The following PIEZO2 variants were observed in gnomAD, a reference collection of about 807,000 sequenced individuals.
PIEZO2 encodes the protein piezo type mechanosensitive ion channel component 2.
PIEZO2 carries 172 observed loss-of-function variants against 337.3 expected under a neutral mutation model. The observed-to-expected ratio is 0.51, with a 90% CI of 0.45 to 0.58. The LOEUF (loss-of-function observed/expected upper bound fraction) is 0.58. PIEZO2 is among the 20% of genes least tolerant of loss of function. The probability of loss-of-function intolerance (pLI) is 0.00; values close to 1 mark genes in which losing one functional copy is unlikely to be tolerated. For missense variants in PIEZO2, 3,028 were observed against 3,391.3 expected, an observed-to-expected ratio of 0.89 and a Z score of 2.66; for synonymous variants, 1,251 against 1,228.5, an observed-to-expected ratio of 1.02 and a Z score of -0.38.
intron 1 of PIEZO2, among the ~76,000 whole-genome samples, chr18:11,121,444 T>G (rs2040027016): frequency 6.6e-6 from 1 of 152,048 alleles, no homozygotes; most frequent in Non-Finnish European, 1.5e-5. Context: ...TGCCCAACTG[T>G]AGTCTTAGCT....
At chr18:11,034,550 C>T (rs987164583) in intron 2 of PIEZO2, among the ~76,000 whole-genome samples, 24 of 152,292 alleles carry the variant, frequency 1.6e-4, no homozygotes, top group South Asian at 8.3e-4. Context: ...GCCTCGGCCT[C>T]CCAAAGTGCT....
chr18:10,836,749 A>G (rs1176924872), intron 7 of PIEZO2, among the ~76,000 whole-genome samples: 1 of 152,222 alleles, frequency 6.6e-6, no homozygotes, highest in Non-Finnish European at 1.5e-5. Context: ...GGCAAACAAG[A>G]GGATACAAGT....
intron 4 of PIEZO2, among the ~76,000 whole-genome samples, chr18:10,875,928 G>C (rs1337736311): frequency 6.6e-6 from 1 of 152,210 alleles, no homozygotes; most frequent in Non-Finnish European, 1.5e-5. Flanking sequence ...CCAGAATTGG[G>C]CTGCGACCCC....
At chr18:11,122,582 C>G (rs778160880) in intron 1 of PIEZO2, among the ~76,000 whole-genome samples, 1 of 151,926 alleles carries the variant, frequency 6.6e-6, no homozygotes, top group Non-Finnish European at 1.5e-5. Flanking sequence ...AGAAAAAAAC[C>G]GAAGTTCTGA....
chr18:11,142,899 A>G lies in PIEZO2; in HGVS notation c.64+5626T>C, dbSNP rs369350381. Among the ~76,000 whole-genome samples, 12 of 152,224 alleles carry G rather than the reference A, an allele frequency of 7.9e-5. 1 individual carries two copies. Among genetic ancestry groups the G allele is most frequent in the African/African-American group, 2.9e-4 (12 of 41,546 alleles). ...CGAGACCATCCTGGCTAACATGGTGAAACCCCGTCGCTACTAAAAATACAA... is the reference window on the plus strand; with the variant it reads ...CGAGACCATCCTGGCTAACATGGTGGAACCCCGTCGCTACTAAAAATACAA... On this transcript the variant is annotated intron_variant, in intron 1 of 55. Transcript: ENST00000674853.
intron 30 of PIEZO2, 106 bp from the exon 31 acceptor site, chr18:10,744,337 G>A (rs1365490977): frequency 2.4e-5 from 17 of 715,726 alleles, no homozygotes; most frequent in Middle Eastern, 2.9e-4. Context: ...TCTCTTAATG[G>A]CAGCTGCTTG....
chr18:10,858,858 T>C (rs2041798760), intron 5 of PIEZO2, among the ~76,000 whole-genome samples: 1 of 152,142 alleles, frequency 6.6e-6, no homozygotes, highest in African/African-American at 2.4e-5. Flanking sequence ...CCACTTCAAC[T>C]TGACTTCTAC....
At chr18:10,938,130 G>A (rs920043230) in intron 3 of PIEZO2, among the ~76,000 whole-genome samples, 1 of 152,130 alleles carries the variant, frequency 6.6e-6, no homozygotes, top group African/African-American at 2.4e-5. Context: ...GGGAAGTAAG[G>A]CATTGTGGCA....
chr18:10,826,126 C>T (rs1300622110), intron 7 of PIEZO2, among the ~76,000 whole-genome samples: 1 of 152,216 alleles, frequency 6.6e-6, no homozygotes, highest in Non-Finnish European at 1.5e-5. Flanking sequence ...TCAGCCATTT[C>T]TCCAAGGAGC....
At chr18:10,774,462 G>A (rs199739877) in intron 18 of PIEZO2, among the ~76,000 whole-genome samples, 1 of 151,980 alleles carries the variant, frequency 6.6e-6, no homozygotes, top group Non-Finnish European at 1.5e-5. Context: ...ATGTGCCATG[G>A]AAGCTAAGTG....
Position 10,954,486 on chromosome 18 carries a change from G to A in PIEZO2, c.286+25049C>T, listed in dbSNP as rs141667585. 2.6e-5 allele frequency among the ~76,000 whole-genome samples: 4 copies of A among 152,146 alleles called. No individual in the cohort carries two copies. The East Asian group carries it at 5.8e-4, about 22-fold the overall frequency. On this transcript the variant is annotated intron_variant, in intron 3 of 55. Transcript: ENST00000674853. This position sits in a 1 kb window ranked among gnomAD's most constrained non-coding sequence, Gnocchi z 4.2. ...AATATGTAGAAATACAATTTATTTT[G>A]GTATGTTGATCTTGCATCCTGTGAT...
chr18:10,745,370 C>T (rs1031996955), intron 30 of PIEZO2, among the ~76,000 whole-genome samples: 2 of 152,142 alleles, frequency 1.3e-5, no homozygotes, highest in Admixed American at 6.5e-5. Context: ...AAAAAGAAAA[C>T]CGACACACGA....
chr18:11,016,588 G>A lies in PIEZO2; in HGVS notation c.161-36928C>T, dbSNP rs1056761440. ...TAACGAGTTACTCATTTAAACAAGT[G>A]ATAACTCAAGGTAAAAAGAAAACAA... On this transcript the variant is annotated intron_variant, in intron 2 of 55. Coordinates refer to ENST00000674853, the MANE Select transcript of PIEZO2 (RefSeq NM_001378183.1). This position sits in a 1 kb window ranked among gnomAD's most constrained non-coding sequence, Gnocchi z 5.6. Among the ~76,000 whole-genome samples the A allele has an allele frequency of 1.3e-5, 2 of 152,112 alleles. No homozygotes were observed. The highest frequency in any genetic ancestry group is 4.8e-5 in the African/African-American group (2 of 41,432).
intron 30 of PIEZO2, among the ~76,000 whole-genome samples, chr18:10,745,696 C>G (rs2037395542): frequency 1.3e-5 from 2 of 152,246 alleles, no homozygotes; most frequent in Non-Finnish European, 2.9e-5. Flanking sequence ...TCTCTCAAAC[C>G]TGAATGTTCT....
In PIEZO2 at chr18:10,714,854, A is replaced by C; in HGVS notation, c.5333T>G (p.Leu1778Arg). The change falls in exon 39 of 56, where the codon CTG becomes CGG. Residue 1778 changes from leucine (L) to arginine (R), a missense_variant. Leu to Arg is a moderately radical substitution (Grantham distance 102). Transcript: ENST00000674853. ...HIMNLSRESGLDTIDEHPGAA... is the reference protein window; with the variant it reads ...HIMNLSRESGRDTIDEHPGAA... ...TCCGGGATGCTCGTCAATGGTGTCC[A>C]GTCCCGACTCTCTGGAAAGGTTCAT... 6.5e-7 allele frequency: 1 copy of C among 1,537,266 alleles called. No homozygotes were observed. The highest frequency in any genetic ancestry group is 2.0e-5 in the Admixed American group (1 of 51,000).
At chr18:10,679,466 A>AT (rs1275812104) in intron 52 of PIEZO2, among the ~76,000 whole-genome samples, 1 of 152,286 alleles carries the variant, frequency 6.6e-6, no homozygotes, top group African/African-American at 2.4e-5. Flanking sequence ...CAGGATATTG[A>AT]TTTTTTTGGA....
chr18:10,832,000 A>T (rs1598550641), intron 7 of PIEZO2, among the ~76,000 whole-genome samples: 1 of 152,112 alleles, frequency 6.6e-6, no homozygotes, highest in East Asian at 1.9e-4. Context: ...AATAGATACA[A>T]TTAAACAGAG....
At position 10,702,017 on chromosome 18, in the gene PIEZO2, G is replaced by A; in HGVS notation, c.6413C>T (p.Ala2138Val). The change falls in exon 43 of 56, where the codon GCT (alanine) becomes GTT (valine). Residue 2138 changes from alanine to valine, a missense_variant. Physicochemically the swap from Ala to Val is moderately conservative, Grantham distance 64 (BLOSUM62 0). Coordinates refer to ENST00000674853, the MANE Select transcript of PIEZO2 (RefSeq NM_001378183.1). ...CAAAATTGATCGATGAAAGAACAGA[G>A]CCAGGAGCTGGATGAGGTCATAGAG... is the stretch of plus-strand genomic sequence containing the variant. ...YVLYDLIQLL[A>V]LFFHRSILKC... 1.3e-6 allele frequency: 2 copies of A among 1,531,814 alleles called. No individual in the cohort carries two copies. The highest frequency in any genetic ancestry group is 1.7e-6 in the Non-Finnish European group (2 of 1,145,296). 94.9% of individuals were successfully genotyped at this position (1,531,814 alleles called of 1,614,324 possible). A position where few individuals can be genotyped will look rare whatever the true frequency, so the allele number is the denominator to read the frequency against.
At chr18:10,959,183 G>A (rs1451217970) in intron 3 of PIEZO2, among the ~76,000 whole-genome samples, 1 of 152,102 alleles carries the variant, frequency 6.6e-6, no homozygotes, top group African/African-American at 2.4e-5. Context: ...AACTAAAAGA[G>A]CTGTTTTAAA....
Sources: allele counts gnomAD v4.1 joint callset (sites outside exome capture counted in the v4.1 genomes callset), GRCh38; gene constraint gnomAD v4.1.1; non-coding constraint Gnocchi (gnomAD v3.1); transcripts MANE v1.5; gene names NCBI Gene and HGNC (gene_info 2026-07-23, HGNC 2026-07-21).